Variants in RSPH14 observed in about 807,000 individuals in gnomAD.
The protein encoded by RSPH14 is rhabdoid tumor deletion region gene 1.
RSPH14 carries 20 observed loss-of-function variants against 26.7 expected under a neutral mutation model. That is an observed-to-expected ratio of 0.75 (90% confidence interval 0.53 to 1.09). The LOEUF (loss-of-function observed/expected upper bound fraction) is 1.09. Among genes scored for constraint, RSPH14 ranks in the 50% least tolerant of loss-of-function variants. The pLI is 0.00. For missense variants in RSPH14, 449 were observed against 457.2 expected (o/e 0.98, Z 0.16); for synonymous variants, 177 against 189.3 (o/e 0.93, Z 0.53).
At chr22:23,178,158 T>C in the RSPH14 span, among the ~76,000 whole-genome samples, 2 of 152,156 alleles carry the variant, frequency 1.3e-5, no homozygotes, top group Admixed American at 6.5e-5. Context: ...GGCTCACACC[T>C]GTAATTCCAG....
At chr22:23,160,789 G>C in the RSPH14 span, 2 of 1,537,822 alleles carry the variant, frequency 1.3e-6, no homozygotes, top group Non-Finnish European at 1.8e-6. Context: ...GTGCCAACCT[G>C]AGGGTAGGCT....
chr22:23,163,071 C>T, the RSPH14 span: 1 of 248,460 alleles, frequency 4.0e-6, no homozygotes, highest in Non-Finnish European at 8.0e-6. Flanking sequence ...ACCACCATGC[C>T]TGGCTAATTT....
chr22:23,165,853 G>C, the RSPH14 span, among the ~76,000 whole-genome samples: 1 of 152,086 alleles, frequency 6.6e-6, no homozygotes, highest in African/African-American at 2.4e-5. Flanking sequence ...TTTCTAAAAA[G>C]GACTGTTTCC....
the RSPH14 span, chr22:23,156,089 G>A: frequency 6.7e-7 from 1 of 1,491,582 alleles, no homozygotes; most frequent in Non-Finnish European, 9.2e-7. Flanking sequence ...TCCCTGCCGG[G>A]CTCCACAGTG....
the RSPH14 span, among the ~76,000 whole-genome samples, chr22:23,178,207 G>T: frequency 1.5e-4 from 23 of 152,250 alleles, no homozygotes; most frequent in African/African-American, 5.5e-4. Context: ...ACGAGGTCAG[G>T]AGTTCAAGAC....
Position 23,071,273 on chromosome 22 carries a change from C to G in RSPH14, c.422-7140G>C, listed in dbSNP as rs1246339904. ...GGCGCTCCGTATCCTGCGGGCGATCCGAGGGGGCTCTGCCTTTAGGGCGGT... is the reference window on the plus strand; with the variant it reads ...GGCGCTCCGTATCCTGCGGGCGATCGGAGGGGGCTCTGCCTTTAGGGCGGT... On this transcript the variant is annotated intron_variant, in intron 4 of 6. Transcript: ENST00000216036. This position sits in a 1 kb window ranked among gnomAD's most constrained non-coding sequence, Gnocchi z 4.1. Among the ~76,000 whole-genome samples the G allele has an allele frequency of 6.6e-6, 1 of 152,072 alleles. No individual in the cohort carries two copies. Among genetic ancestry groups the G allele is most frequent in the Non-Finnish European group, 1.5e-5 (1 of 68,006 alleles).
At chr22:23,161,412 A>G in the RSPH14 span, 6 of 1,202,594 alleles carry the variant, frequency 5.0e-6, no homozygotes, top group African/African-American at 1.5e-5. Flanking sequence ...TTCAGCTCAC[A>G]GCTCTGACTG....
chr22:23,075,170 G>A (rs559344165), intron 4 of RSPH14, among the ~76,000 whole-genome samples: 1 of 152,222 alleles, frequency 6.6e-6, no homozygotes, highest in African/African-American at 2.4e-5. Context: ...GGGTGGGCCC[G>A]CAACCTGCCT....
chr22:23,109,539 C>T (rs1245531568), intron 4 of RSPH14, among the ~76,000 whole-genome samples: 1 of 152,158 alleles, frequency 6.6e-6, no homozygotes, highest in Non-Finnish European at 1.5e-5. Flanking sequence ...CCAGGGCCTA[C>T]ACTTGGGAGG....
the RSPH14 span, among the ~76,000 whole-genome samples, chr22:23,154,563 G>A: frequency 6.6e-6 from 1 of 152,218 alleles, no homozygotes; most frequent in African/African-American, 2.4e-5. Context: ...TAGCTGAGGT[G>A]GAGCCGGGAA....
the RSPH14 span, among the ~76,000 whole-genome samples, chr22:23,170,580 C>A: frequency 0.31 from 46,147 of 150,940 alleles, 7,344 homozygotes; most frequent in African/African-American, 0.39. Flanking sequence ...GAAAAAAAAA[C>A]AAATTAGCCG....
At chr22:23,146,535 G>A, upstream of RSPH14, 1 of 1,567,032 alleles carries the variant, frequency 6.4e-7, no homozygotes, top group Non-Finnish European at 8.7e-7. Flanking sequence ...AAGTTAGGTG[G>A]AAACTCATGG....
chr22:23,105,413 A>G (rs2069437585), intron 4 of RSPH14, among the ~76,000 whole-genome samples: 1 of 152,216 alleles, frequency 6.6e-6, no homozygotes, highest in Non-Finnish European at 1.5e-5. Context: ...ATCTCTCCCC[A>G]CTACCCCCAG....
chr22:23,163,606 G>GCCGCC, the RSPH14 span: 1 of 125,234 alleles, frequency 8.0e-6, no homozygotes, highest in African/African-American at 2.7e-5. Context: ...CAAGGTGAAA[G>GCCGCC]CCCCCCCCCC....
At chr22:23,123,066 C>T (rs372526927) in intron 4 of RSPH14, 40 of 1,548,702 alleles carry the variant, frequency 2.6e-5, no homozygotes, top group African/African-American at 2.3e-4. Flanking sequence ...CTGATTAACG[C>T]CAGTACTTTC....
At chr22:23,134,737 A>T (rs973742302) in intron 3 of RSPH14, among the ~76,000 whole-genome samples, 2 of 151,804 alleles carry the variant, frequency 1.3e-5, no homozygotes, top group African/African-American at 4.8e-5. Context: ...TTGGTGGCAC[A>T]TGCCTGTAAT....
intron 4 of RSPH14, among the ~76,000 whole-genome samples, chr22:23,068,737 T>C (rs1390821710): frequency 6.6e-6 from 1 of 152,362 alleles, no homozygotes; most frequent in South Asian, 2.1e-4. Flanking sequence ...GCATTTCCTA[T>C]AAACATTAAC....
the RSPH14 span, among the ~76,000 whole-genome samples, chr22:23,159,451 A>G: frequency 6.6e-6 from 1 of 152,224 alleles, no homozygotes; most frequent in Non-Finnish European, 1.5e-5. Context: ...CGTCATCTCT[A>G]GAAGGAAGCT....
At chr22:23,145,938 TAG>T (rs1312960648), upstream of RSPH14, 4 of 981,198 alleles carry the variant, frequency 4.1e-6, no homozygotes, top group Non-Finnish European at 4.8e-6. Context: ...CAGGCCCACC[TAG>T]AGCCTTCGTC....
Sources: gnomAD v4.1 joint callset for allele counts (sites outside exome capture counted in the v4.1 genomes callset) on GRCh38, gnomAD v4.1.1 for gene constraint, Gnocchi (gnomAD v3.1) non-coding constraint, MANE v1.5 for transcripts, NCBI Gene and HGNC (gene_info 2026-07-23, HGNC 2026-07-21) for gene names.